The following OSBPL10 variants were observed in gnomAD, a reference collection of about 807,000 sequenced individuals.
OSBPL10 encodes the protein oxysterol-binding protein-related protein 10.
Under a neutral mutation model 81.7 loss-of-function variants are expected in OSBPL10, and 49 were observed. The ratio of observed to expected loss-of-function variants is 0.60; its 90% confidence interval spans 0.48 to 0.76. OSBPL10 has a LOEUF of 0.76. OSBPL10 is among the 30% of genes least tolerant of loss of function. OSBPL10 has a pLI of 0.00. For missense variants in OSBPL10, 923 were observed against 987.8 expected, an observed-to-expected ratio of 0.93 and a Z score of 0.88; for synonymous variants, 419 against 383.6, an observed-to-expected ratio of 1.09 and a Z score of -1.08.
chr3:31,989,996 G>C, intron 2 of OSBPL10: 1 of 1,614,120 alleles, frequency 6.2e-7, no homozygotes, highest in Non-Finnish European at 8.5e-7. Context: ...AGTCATCATA[G>C]ACTTCATACT....
chr3:31,796,558 C>T (rs1699217357), intron 4 of OSBPL10, among the ~76,000 whole-genome samples: 2 of 152,114 alleles, frequency 1.3e-5, no homozygotes, highest in African/African-American at 2.4e-5. Flanking sequence ...TTGCCCCTTT[C>T]CTCTATAAGT....
At chr3:31,904,415 G>A (rs1248468925) in intron 1 of OSBPL10, among the ~76,000 whole-genome samples, 1 of 152,102 alleles carries the variant, frequency 6.6e-6, no homozygotes, top group African/African-American at 2.4e-5. Flanking sequence ...GCCACAAAGG[G>A]CTCCTGGAAA....
At chr3:31,671,013 A>C in intron 8 of OSBPL10, 30 bp from the exon 9 acceptor site, 1 of 1,572,196 alleles carries the variant, frequency 6.4e-7, no homozygotes, top group Non-Finnish European at 8.7e-7. Context: ...AGAGTTAGGC[A>C]TGCAAACATG....
At chr3:31,695,325 T>G (rs1053994756) in intron 7 of OSBPL10, among the ~76,000 whole-genome samples, 1 of 152,242 alleles carries the variant, frequency 6.6e-6, no homozygotes, top group Non-Finnish European at 1.5e-5. Context: ...TGTCATTATC[T>G]GTAACTGCCA....
intron 1 of OSBPL10, among the ~76,000 whole-genome samples, chr3:31,909,904 G>A (rs533950279): frequency 1.3e-5 from 2 of 151,412 alleles, no homozygotes; most frequent in East Asian, 3.9e-4. Flanking sequence ...ACATTAAGAT[G>A]CCTAAATCCT....
intron 3 of OSBPL10, among the ~76,000 whole-genome samples, chr3:31,860,662 C>A (rs1269481078): frequency 6.6e-6 from 1 of 151,938 alleles, no homozygotes; most frequent in Non-Finnish European, 1.5e-5. Flanking sequence ...TACCTTAGTT[C>A]TCTTTCTGTT....
intron 10 of OSBPL10, among the ~76,000 whole-genome samples, chr3:31,668,151 G>T (rs965322271): frequency 2.0e-5 from 3 of 152,150 alleles, no homozygotes; most frequent in South Asian, 2.1e-4. Flanking sequence ...GATTAAAATG[G>T]ATTCATGAAT....
At chr3:31,962,870 G>T (rs35164829) in intron 1 of OSBPL10, among the ~76,000 whole-genome samples, 27,249 of 152,140 alleles carry the variant, frequency 0.18, 2,665 homozygotes, top group South Asian at 0.33. Context: ...CCTACTATGC[G>T]CCAGGCACTG....
intron 2 of OSBPL10, among the ~76,000 whole-genome samples, chr3:32,020,176 A>G (rs947735121): frequency 2.0e-5 from 3 of 152,192 alleles, no homozygotes; most frequent in African/African-American, 4.8e-5. Context: ...GTTAAAATTT[A>G]TATGCCATAA....
At chr3:31,700,987 A>G (rs1477490393) in intron 7 of OSBPL10, among the ~76,000 whole-genome samples, 1 of 152,182 alleles carries the variant, frequency 6.6e-6, no homozygotes, top group Admixed American at 6.5e-5. Context: ...GTGTGGGCCC[A>G]CTGTTTTGTT....
intron 4 of OSBPL10, among the ~76,000 whole-genome samples, chr3:31,798,561 AT>A: frequency 6.6e-6 from 1 of 152,276 alleles, no homozygotes; most frequent in African/African-American, 2.4e-5. Context: ...GTTAAATAAA[AT>A]ATATTATTAA....
chr3:31,668,870 AAC>A, intron 9 of OSBPL10, 46 bp from the exon 10 acceptor site: 1 of 1,460,730 alleles, frequency 6.8e-7, no homozygotes, highest in Non-Finnish European at 9.1e-7. Context: ...AAATGATAAA[AAC>A]AGAGACTTCA....
intron 5 of OSBPL10, among the ~76,000 whole-genome samples, chr3:31,745,951 C>T (rs533084902): frequency 2.0e-5 from 3 of 152,312 alleles, no homozygotes; most frequent in Non-Finnish European, 2.9e-5. Context: ...TCTGGCTTTA[C>T]TTCCTATCAC....
chr3:31,810,631 A>C (rs1699656484), intron 4 of OSBPL10, among the ~76,000 whole-genome samples: 2 of 152,194 alleles, frequency 1.3e-5, no homozygotes, highest in African/African-American at 4.8e-5. Context: ...AAAAATGGGC[A>C]AAAAACATGA....
intron 1 of OSBPL10, among the ~76,000 whole-genome samples, chr3:31,905,695 TGA>T (rs1291851348): frequency 2.0e-5 from 3 of 152,034 alleles, no homozygotes; most frequent in Admixed American, 6.6e-5. Flanking sequence ...TAAGGCCTAG[TGA>T]GAGAGGAGGA....
intron 1 of OSBPL10, among the ~76,000 whole-genome samples, chr3:31,942,532 C>T (rs1480198897): frequency 7.9e-5 from 5 of 63,182 alleles, no homozygotes; most frequent in African/African-American, 4.0e-4. Context: ...GAGACTCCAT[C>T]TCAAAAAAAA....
At chr3:32,058,378 T>C (rs1159284889) in intron 1 of OSBPL10, among the ~76,000 whole-genome samples, 1 of 152,176 alleles carries the variant, frequency 6.6e-6, no homozygotes, top group African/African-American at 2.4e-5. Flanking sequence ...TCACCCAGGC[T>C]GGAGTGAGAC....
chr3:31,900,405 G>C (rs1696201148), intron 1 of OSBPL10, among the ~76,000 whole-genome samples: 1 of 152,020 alleles, frequency 6.6e-6, no homozygotes, highest in African/African-American at 2.4e-5. Context: ...CCTGATAAAA[G>C]CTCCAACCCT....
At chr3:31,969,848 CCG>C (rs1698502978) in intron 1 of OSBPL10, among the ~76,000 whole-genome samples, 1 of 149,476 alleles carries the variant, frequency 6.7e-6, no homozygotes, top group Non-Finnish European at 1.5e-5. Flanking sequence ...AAGCGAGACT[CCG>C]TCTCAAAAAA....
Sources: allele counts gnomAD v4.1 joint callset (sites outside exome capture counted in the v4.1 genomes callset), GRCh38; gene constraint gnomAD v4.1.1; transcripts MANE v1.5; gene names NCBI Gene and HGNC (gene_info 2026-07-23, HGNC 2026-07-21).